The following TTC21B variants were observed in gnomAD, a reference collection of about 807,000 sequenced individuals.
The protein encoded by TTC21B is tetratricopeptide repeat domain 21B, also known as tetratricopeptide repeat protein 21B.
In TTC21B, 127 loss-of-function variants were observed where a neutral mutation model predicts 175.1. That is an observed-to-expected ratio of 0.73 (90% CI 0.63 to 0.84). The LOEUF is 0.84. TTC21B is among the 40% of genes least tolerant of loss of function. TTC21B has a pLI of 0.00. For synonymous variants in TTC21B, 524 were observed against 524.5 expected, an observed-to-expected ratio of 1.00 and a Z score of 0.01; for missense variants, 1,561 against 1,558.3, an observed-to-expected ratio of 1.00 and a Z score of -0.03.
At position 165,943,306 on chromosome 2, in the gene TTC21B, T is replaced by G; in HGVS notation, c.465A>C (p.Arg155Ser). Residue 155 changes from arginine to serine, a missense_variant, in exon 5 of 29, where the codon AGA becomes AGC. By Grantham distance (110) the Arg-to-Ser change is moderately radical. Transcript: ENST00000243344. ...HVLKAWLDITRGKEPYTKKAL... is the reference protein window; with the variant it reads ...HVLKAWLDITSGKEPYTKKAL... ...CTTTTTTAGTGTAAGGCTCTTTTCCTCTTGTAATATCAAGCCATGCTTTCA... is the reference window on the plus strand; with the variant it reads ...CTTTTTTAGTGTAAGGCTCTTTTCCGCTTGTAATATCAAGCCATGCTTTCA... 2 of 1,610,920 alleles carry G rather than the reference T, an allele frequency of 1.2e-6. No individual in the cohort carries two copies. The highest frequency in any genetic ancestry group is 1.7e-6 in the Non-Finnish European group (2 of 1,177,236).
intron 1 of TTC21B, among the ~76,000 whole-genome samples, chr2:165,953,441 G>A (rs1374390970): frequency 2.0e-5 from 3 of 152,188 alleles, no homozygotes; most frequent in Non-Finnish European, 2.9e-5. Flanking sequence ...ACAGCATGGG[G>A]ACCAGCAATT....
chr2:165,880,230 TG>T (rs1574060788), intron 27 of TTC21B, among the ~76,000 whole-genome samples: 2 of 151,778 alleles, frequency 1.3e-5, no homozygotes, highest in Admixed American at 1.3e-4. Context: ...AAAAAAAAAA[TG>T]TCCCATGGTC....
chr2:165,931,948 T>C (rs1686926293), intron 7 of TTC21B, 92 bp from the exon 8 acceptor site: 3 of 835,100 alleles, frequency 3.6e-6, no homozygotes, highest in Non-Finnish European at 6.1e-6. Context: ...ATTACCCTAC[T>C]AGTATTTTAA....
At chr2:165,942,330 A>G (rs190083406) in intron 5 of TTC21B, among the ~76,000 whole-genome samples, 2 of 152,328 alleles carry the variant, frequency 1.3e-5, no homozygotes, top group East Asian at 3.9e-4. Flanking sequence ...AGGCATTTAG[A>G]TAGCATCAAT....
chr2:165,919,390 T>A lies in TTC21B; in HGVS notation c.1560A>T (p.Glu520Asp), dbSNP rs1472715288. The A allele has an allele frequency of 3.7e-6, 6 of 1,613,952 alleles. No individual in the cohort carries two copies. Among genetic ancestry groups the A allele is most frequent in the Non-Finnish European group, 5.1e-6 (6 of 1,179,986 alleles). ...GAGCATCAGCATAAGAGGGATTGTG[T>A]TCTAAGCAGTGCTGAAGGTTATTGA... is the stretch of plus-strand genomic sequence containing the variant. ...AAFNNLQHCLEHNPSYADAHL... is the reference protein window; with the variant it reads ...AAFNNLQHCLDHNPSYADAHL... Residue 520 changes from glutamate to aspartate, a missense_variant, in exon 13 of 29, where the codon GAA (glutamate) becomes GAT (aspartate). By Grantham distance (45) the Glu-to-Asp change is conservative (BLOSUM62 2). Coordinates refer to ENST00000243344, the MANE Select transcript of TTC21B (RefSeq NM_024753.5).
At chr2:165,947,189 T>TATATATATATATATAC (rs1443660061) in intron 3 of TTC21B, 2 of 136,396 alleles carry the variant, frequency 1.5e-5, no homozygotes, top group African/African-American at 5.9e-5. Flanking sequence ...TATATATATA[T>TATATATATATATATAC]ATATTAGTAT....
At chr2:165,887,560 G>A (rs141717102) in intron 25 of TTC21B, among the ~76,000 whole-genome samples, 34 of 152,014 alleles carry the variant, frequency 2.2e-4, no homozygotes, top group Admixed American at 2.1e-3. Context: ...GGTGGCAGGC[G>A]CTTATAATCC....
chr2:165,930,060 A>G, intron 9 of TTC21B, 112 bp downstream of exon 9: 1 of 1,008,608 alleles, frequency 9.9e-7, no homozygotes, highest in Middle Eastern at 2.7e-4. Context: ...GCAGTAGAGA[A>G]CAATTTAAGT....
At chr2:165,896,585 T>C (rs182234531) in intron 22 of TTC21B, among the ~76,000 whole-genome samples, 78 of 152,204 alleles carry the variant, frequency 5.1e-4, no homozygotes, top group African/African-American at 1.7e-3. Flanking sequence ...TGCTACTTGA[T>C]GTAGGCCAGT....
At chr2:165,880,389 T>C (rs1366738019) in intron 27 of TTC21B, among the ~76,000 whole-genome samples, 1 of 152,184 alleles carries the variant, frequency 6.6e-6, no homozygotes, top group Non-Finnish European at 1.5e-5. Context: ...TCTTTTTCCA[T>C]GGCATTCCCA....
chr2:165,922,950 A>G (rs1686471976), intron 12 of TTC21B, among the ~76,000 whole-genome samples: 1 of 152,228 alleles, frequency 6.6e-6, no homozygotes, highest in South Asian at 2.1e-4. Context: ...CCTGGATGGA[A>G]CTGGAGGCCA....
intron 6 of TTC21B, chr2:165,934,035 G>A (rs1687013943): frequency 6.6e-6 from 1 of 152,174 alleles, no homozygotes; most frequent in Admixed American, 6.5e-5. Flanking sequence ...CCCCAGCCAA[G>A]CCTTGCCTGA....
chr2:165,930,369 A>G lies in TTC21B; in HGVS notation c.895-5T>C. ...AATAAGTTGACTACGTCCACACTAAAAAGAAAAAAAAATGATGTAAGATTT... is the reference window on the plus strand; with the variant it reads ...AATAAGTTGACTACGTCCACACTAAGAAGAAAAAAAAATGATGTAAGATTT... On this transcript the variant is annotated splice_polypyrimidine_tract_variant and splice_region_variant and intron_variant, in intron 8 of 28. Coordinates refer to ENST00000243344, the MANE Select transcript of TTC21B (RefSeq NM_024753.5). 6.2e-7 allele frequency: 1 copy of G among 1,600,118 alleles called. No individual in the cohort carries two copies. The highest frequency in any genetic ancestry group is 1.3e-5 in the African/African-American group (1 of 74,596).
intron 22 of TTC21B, 116 bp downstream of exon 22, chr2:165,898,570 G>A: frequency 1.3e-6 from 1 of 746,528 alleles, no homozygotes; most frequent in East Asian, 2.6e-5. Flanking sequence ...GGAATAAACA[G>A]ACAGTCTGAT....
intron 19 of TTC21B, among the ~76,000 whole-genome samples, chr2:165,905,404 C>A (rs1685693258): frequency 4.6e-5 from 7 of 151,738 alleles, no homozygotes; most frequent in Admixed American, 4.6e-4. Context: ...AAATTGTATG[C>A]TGACAGATCT....
At chr2:165,951,477 C>T (rs1003799936) in intron 1 of TTC21B, among the ~76,000 whole-genome samples, 8 of 152,144 alleles carry the variant, frequency 5.3e-5, no homozygotes, top group African/African-American at 1.7e-4. Context: ...GCGCCAAGAC[C>T]TCTTGTCTAT....
In TTC21B at chr2:165,911,060, G is replaced by A. The variant is rs114942914; in HGVS notation, c.2461+267C>T. Among the ~76,000 whole-genome samples the A allele has an allele frequency of 0.013, 1,990 of 152,150 alleles. 58 individuals carry two copies. Among genetic ancestry groups the A allele is most frequent in the African/African-American group, 0.046 (1,896 of 41,506 alleles). ...CAAAAATGCTAATGTGTTTAAATAT[G>A]AGATAGCTGTAATTTAAAGATAACT... On this transcript the variant is annotated intron_variant, in intron 18 of 28. Transcript: ENST00000243344.
intron 6 of TTC21B, among the ~76,000 whole-genome samples, chr2:165,933,434 C>A (rs1295922550): frequency 6.6e-6 from 1 of 152,016 alleles, no homozygotes; most frequent in African/African-American, 2.4e-5. Context: ...ACAATACCTA[C>A]TAATGTTATT....
At chr2:165,887,619 G>A (rs752926522) in intron 25 of TTC21B, among the ~76,000 whole-genome samples, 17 of 152,026 alleles carry the variant, frequency 1.1e-4, no homozygotes, top group South Asian at 2.1e-4. Flanking sequence ...CCTGGGAGGC[G>A]GAGGTTGCAG....
Sources: gnomAD v4.1 joint callset for allele counts (sites outside exome capture counted in the v4.1 genomes callset) on GRCh38, gnomAD v4.1.1 for gene constraint, MANE v1.5 for transcripts, NCBI Gene and HGNC (gene_info 2026-07-23, HGNC 2026-07-21) for gene names.